CTNND1: variants seen among roughly 807,000 people sequenced by gnomAD.
The protein encoded by CTNND1 is catenin delta 1, also known as catenin delta-1.
Under a neutral mutation model 112.1 loss-of-function variants are expected in CTNND1, and 16 were observed. That is an observed-to-expected ratio of 0.14 (90% CI 0.10 to 0.22). The LOEUF (loss-of-function observed/expected upper bound fraction) is 0.22, where lower values mean the gene tolerates loss of function less well. Among genes scored for constraint, CTNND1 ranks in the 10% least tolerant of loss-of-function variants. The pLI, the probability that CTNND1 is intolerant of heterozygous loss-of-function variation, is 1.00. For synonymous variants in CTNND1, 420 were observed against 446.5 expected, an observed-to-expected ratio of 0.94 and a Z score of 0.75; for missense variants, 1,008 against 1,257.0, an observed-to-expected ratio of 0.80 and a Z score of 3.00.
At position 57,816,946 on chromosome 11, in the gene CTNND1, G is replaced by A. The variant is rs967122790; in HGVS notation, c.*638G>A. 1 of 153,958 alleles carries A rather than the reference G, an allele frequency of 6.5e-6. No homozygotes were observed. The highest frequency in any genetic ancestry group is 1.4e-5 in the Non-Finnish European group (1 of 69,190). 9.5% of individuals were successfully genotyped at this position (153,958 alleles called of 1,614,324 possible). On this transcript the variant is annotated 3_prime_UTR_variant, in exon 21 of 21. Coordinates refer to ENST00000399050, the MANE Select transcript of CTNND1 (RefSeq NM_001085458.2). The stretch of plus-strand genomic sequence containing the variant: ...CTTGCTCTCCTCATCTCCAAGGCAG[G>A]GACCATCAAGAACCTACAGACTCCA...
intron 1 of CTNND1, among the ~76,000 whole-genome samples, chr11:57,786,381 A>G (rs2060137135): frequency 6.6e-6 from 1 of 151,932 alleles, no homozygotes. Context: ...AAAATACAAA[A>G]AATTAGCCCG....
chr11:57,807,091 T>C (rs2062765176), intron 12 of CTNND1, 108 bp downstream of exon 12: 2 of 885,842 alleles, frequency 2.3e-6, no homozygotes, highest in Non-Finnish European at 1.8e-6. Context: ...TCCTCTCTTT[T>C]CCAACTTACA....
chr11:57,810,593 A>C (rs1012686592), intron 16 of CTNND1, among the ~76,000 whole-genome samples: 1 of 151,954 alleles, frequency 6.6e-6, no homozygotes, highest in Non-Finnish European at 1.5e-5. Context: ...CCAAAGTGCT[A>C]GGATTACAGG....
intron 10 of CTNND1, among the ~76,000 whole-genome samples, 172 bp from the exon 11 acceptor site, chr11:57,806,289 C>G (rs1291596167): frequency 6.6e-6 from 1 of 151,942 alleles, no homozygotes; most frequent in Non-Finnish European, 1.5e-5. Flanking sequence ...AAAATGAGAA[C>G]TCAACTAATC....
In CTNND1 at chr11:57,802,029, A is replaced by G; in HGVS notation, c.1253A>G (p.Asp418Gly). 1 of 1,614,030 alleles carries G rather than the reference A, an allele frequency of 6.2e-7. No homozygotes were observed. ...KGIPVLVGLL[D>G]HPKKEVHLGA... ...ATCCCAGTACTGGTGGGATTGTTAGACCATCCCAAAAAGGAAGTGCACCTT... is the reference window on the plus strand; with the variant it reads ...ATCCCAGTACTGGTGGGATTGTTAGGCCATCCCAAAAAGGAAGTGCACCTT... The change falls in exon 7 of 21, where the codon GAC becomes GGC. Residue 418 changes from aspartate to glycine, a missense_variant. Physicochemically the swap from Asp to Gly is moderately conservative, Grantham distance 94. This residue lies in a region of CTNND1 where 216 missense variants were observed against 342.8 expected (regional missense o/e 0.63). Coordinates refer to ENST00000399050, the MANE Select transcript of CTNND1 (RefSeq NM_001085458.2).
Position 57,810,240 on chromosome 11 carries a change from G to T in CTNND1, c.2550+17G>T. ...GACTTTCAGGTATAGTAACTTTTGAGACCAAGACTTTTACTTTTTTTTTCT... is the reference window on the plus strand; with the variant it reads ...GACTTTCAGGTATAGTAACTTTTGATACCAAGACTTTTACTTTTTTTTTCT... On this transcript the variant is annotated intron_variant, in intron 16 of 20. Coordinates refer to ENST00000399050, the MANE Select transcript of CTNND1 (RefSeq NM_001085458.2). The T allele has an allele frequency of 1.3e-6, 2 of 1,560,230 alleles. No individual in the cohort carries two copies. Among genetic ancestry groups the T allele is most frequent in the South Asian group, 2.4e-5 (2 of 84,694 alleles).
intron 3 of CTNND1, among the ~76,000 whole-genome samples, chr11:57,792,882 C>T (rs561716812): frequency 1.3e-5 from 2 of 150,446 alleles, no homozygotes; most frequent in Admixed American, 6.6e-5. Context: ...TACTGAGGAG[C>T]CTTGCAGTTG....
At chr11:57,765,417 A>G (rs1467935559) in intron 1 of CTNND1, among the ~76,000 whole-genome samples, 1 of 151,384 alleles carries the variant, frequency 6.6e-6, no homozygotes, top group Non-Finnish European at 1.5e-5. Flanking sequence ...TGCAACTTTT[A>G]CTGTAGTCTG....
At chr11:57,765,100 C>T (rs1438495941) in intron 1 of CTNND1, among the ~76,000 whole-genome samples, 1 of 152,162 alleles carries the variant, frequency 6.6e-6, no homozygotes. Context: ...AGTAAAATTT[C>T]TTCTTCCAGA....
intron 17 of CTNND1, among the ~76,000 whole-genome samples, chr11:57,813,369 A>G (rs2063594826): frequency 6.6e-6 from 1 of 152,230 alleles, no homozygotes; most frequent in South Asian, 2.1e-4. Flanking sequence ...CTAATGAAAT[A>G]AACAGTGATG....
rs1372292086 is a variant in CTNND1, at chr11:57,803,886, T to C, written c.1604+82T>C. The C allele has an allele frequency of 3.8e-6, 4 of 1,051,580 alleles. No individual in the cohort carries two copies. The Admixed American group carries it at 8.9e-5, about 23-fold the overall frequency. 65.1% of individuals were successfully genotyped at this position (1,051,580 alleles called of 1,614,324 possible). ...TCCTAAAAAAAAAAAAAAATTAAAA[T>C]TCTTTAGCCTATTCTTTAGCCTCCA... On this transcript the variant is annotated intron_variant, in intron 8 of 20. Coordinates refer to ENST00000399050, the MANE Select transcript of CTNND1 (RefSeq NM_001085458.2).
chr11:57,807,660 A>AGAAATTT (rs930959328), intron 12 of CTNND1, among the ~76,000 whole-genome samples: 1 of 151,996 alleles, frequency 6.6e-6, no homozygotes, highest in Non-Finnish European at 1.5e-5. Flanking sequence ...CTTTACTAAA[A>AGAAATTT]GAAATTTGGA....
At chr11:57,766,172 A>G (rs574819930) in intron 1 of CTNND1, among the ~76,000 whole-genome samples, 1 of 152,182 alleles carries the variant, frequency 6.6e-6, no homozygotes, top group Non-Finnish European at 1.5e-5. Flanking sequence ...GAACTTCAAC[A>G]CTGAAAACCT....
intron 1 of CTNND1, among the ~76,000 whole-genome samples, chr11:57,773,912 G>C (rs1177708901): frequency 6.6e-6 from 1 of 152,040 alleles, no homozygotes; most frequent in Non-Finnish European, 1.5e-5. Flanking sequence ...ATTCCAGCCT[G>C]GGCAACAGAG....
chr11:57,787,056 C>G (rs1276924295), intron 1 of CTNND1, among the ~76,000 whole-genome samples: 3 of 152,162 alleles, frequency 2.0e-5, no homozygotes, highest in Non-Finnish European at 4.4e-5. Context: ...TTTCTTCACC[C>G]ATGAGTCTTA....
intron 18 of CTNND1, 89 bp downstream of exon 18, chr11:57,814,462 C>T (rs2063724631): frequency 1.1e-6 from 1 of 933,808 alleles, no homozygotes; most frequent in Admixed American, 2.3e-5. Flanking sequence ...TTTCTAATAC[C>T]CTTACCATTT....
chr11:57,771,346 A>G (rs1952550215), intron 1 of CTNND1, among the ~76,000 whole-genome samples: 1 of 152,198 alleles, frequency 6.6e-6, no homozygotes. Flanking sequence ...AGAGTGTGGT[A>G]ATATTATTGA....
intron 17 of CTNND1, among the ~76,000 whole-genome samples, chr11:57,812,423 G>A (rs570511673): frequency 3.3e-5 from 5 of 152,254 alleles, no homozygotes; most frequent in African/African-American, 1.2e-4. Flanking sequence ...AGGAGGCTGA[G>A]GCAGGAGAAT....
intron 1 of CTNND1, among the ~76,000 whole-genome samples, chr11:57,768,012 T>G (rs1456716982): frequency 6.6e-6 from 1 of 151,844 alleles, no homozygotes; most frequent in Non-Finnish European, 1.5e-5. Flanking sequence ...TTTTGTATTT[T>G]TAGTAGAGGA....
Sources: gnomAD v4.1 joint callset for allele counts (sites outside exome capture counted in the v4.1 genomes callset) on GRCh38, gnomAD v4.1.1 for gene constraint, gnomAD v4.1.1 regional missense constraint, MANE v1.5 for transcripts, NCBI Gene and HGNC (gene_info 2026-07-23, HGNC 2026-07-21) for gene names.